WDR62: variants seen among roughly 807,000 people sequenced by gnomAD.
The protein encoded by WDR62 is WD repeat domain 62, also known as WD repeat-containing protein 62.
In WDR62, 112 loss-of-function variants were observed where a neutral mutation model predicts 160.6. The ratio of observed to expected loss-of-function variants is 0.70; its 90% confidence interval spans 0.60 to 0.82. WDR62 has a LOEUF of 0.82. Among genes scored for constraint, WDR62 ranks in the 40% least tolerant of loss-of-function variants. WDR62 has a pLI of 0.00. For missense variants in WDR62, 1,819 were observed against 1,983.8 expected (o/e 0.92, Z 1.58); for synonymous variants, 792 against 815.1 (o/e 0.97, Z 0.48).
intron 10 of WDR62, 148 bp downstream of exon 10, chr19:36,081,718 A>G (rs973853231): frequency 8.8e-5 from 83 of 946,112 alleles, no homozygotes; most frequent in African/African-American, 2.4e-4. Flanking sequence ...CCCTCTCTGC[A>G]TCACTGCCTC....
downstream of WDR62, among the ~76,000 whole-genome samples, chr19:36,106,937 T>G (rs779476264): frequency 3.9e-4 from 59 of 152,160 alleles, no homozygotes; most frequent in Admixed American, 2.6e-4. Flanking sequence ...CCCATCTGCC[T>G]AGTTCGGCCA....
At chr19:36,106,247 T>C (rs2145894425), downstream of WDR62, among the ~76,000 whole-genome samples, 1 of 151,102 alleles carries the variant, frequency 6.6e-6, no homozygotes. Context: ...ACACCTGTAG[T>C]CCCAGCTACT....
At chr19:36,101,439 T>A (rs1032542468) in intron 24 of WDR62, 122 bp downstream of exon 24, 4 of 955,982 alleles carry the variant, frequency 4.2e-6, no homozygotes, top group Non-Finnish European at 6.6e-6. Context: ...AAGACACATG[T>A]GGTCCCTGCT....
downstream of WDR62, among the ~76,000 whole-genome samples, chr19:36,105,443 G>C (rs750477108): frequency 1.3e-5 from 2 of 151,926 alleles, no homozygotes; most frequent in Admixed American, 1.3e-4. Flanking sequence ...AGCAGTCCAC[G>C]CTTTGCCATA....
At chr19:36,107,546 C>A (rs569562925), downstream of WDR62, among the ~76,000 whole-genome samples, 2 of 152,084 alleles carry the variant, frequency 1.3e-5, no homozygotes, top group Admixed American at 1.3e-4. Context: ...CAGAGCAGGG[C>A]ACCCTCTAGG....
At chr19:36,076,624 C>G (rs191372766) in intron 9 of WDR62, among the ~76,000 whole-genome samples, 10 of 151,258 alleles carry the variant, frequency 6.6e-5, no homozygotes, top group Non-Finnish European at 1.5e-4. Context: ...ATTGGGACTT[C>G]AGAATCACAG....
chr19:36,100,450 G>A lies in WDR62; in HGVS notation c.2740-298G>A, dbSNP rs572356556. Among the ~76,000 whole-genome samples the A allele has an allele frequency of 3.3e-5, 5 of 152,232 alleles. No homozygotes were observed. The East Asian group carries it at 9.6e-4, about 29-fold the overall frequency. On this transcript the variant is annotated intron_variant, in intron 22 of 31. Coordinates refer to ENST00000401500, the MANE Select transcript of WDR62 (RefSeq NM_001083961.2). ...TTCTGCCCTTCCCAGTCAGGTCCCCGCACCAGGATAACCAGTGTTCTGACC... is the reference window on the plus strand; with the variant it reads ...TTCTGCCCTTCCCAGTCAGGTCCCCACACCAGGATAACCAGTGTTCTGACC...
chr19:36,104,053 T>C, intron 30 of WDR62, 72 bp downstream of exon 30: 1 of 1,575,880 alleles, frequency 6.3e-7, no homozygotes. Flanking sequence ...GCTCCAAAGA[T>C]GGATACTTGA....
downstream of WDR62, among the ~76,000 whole-genome samples, chr19:36,110,056 A>G (rs1196685040): frequency 6.7e-6 from 1 of 149,494 alleles, no homozygotes. Context: ...CTCCGCCTCA[A>G]AAAAAAAAAA....
chr19:36,070,283 C>G (rs1323817959), intron 7 of WDR62: 4 of 151,726 alleles, frequency 2.6e-5, no homozygotes, highest in African/African-American at 7.3e-5. Flanking sequence ...CTCAGCCTCC[C>G]AAGTAGCTGG....
At chr19:36,084,930 C>T (rs1181978028) in intron 12 of WDR62, among the ~76,000 whole-genome samples, 186 bp downstream of exon 12, 3 of 152,084 alleles carry the variant, frequency 2.0e-5, no homozygotes, top group African/African-American at 2.4e-5. Context: ...GCAAGACACC[C>T]GCAGGCAGGA....
At position 36,103,878 on chromosome 19, in the gene WDR62, T is replaced by A. The variant is rs1568373111; in HGVS notation, c.4050T>A (p.Ala1350=). ...HGSAFRPSLP[A]PESPGLPAHP... Reference sequence around the variant, plus strand: ...CTGCCTTTCGCCCAAGTCTCCCAGCTCCTGAGTCCCCTGGCCTTCCTGCCC... The same window carrying A: ...CTGCCTTTCGCCCAAGTCTCCCAGCACCTGAGTCCCCTGGCCTTCCTGCCC... Residue 1350 remains alanine, a synonymous_variant, in exon 30 of 32, where the codon GCT becomes GCA. Coordinates refer to ENST00000401500, the MANE Select transcript of WDR62 (RefSeq NM_001083961.2). 6.2e-7 allele frequency: 1 copy of A among 1,601,146 alleles called. No homozygotes were observed. Among genetic ancestry groups the A allele is most frequent in the Non-Finnish European group, 8.5e-7 (1 of 1,179,878 alleles).
chr19:36,063,138 T>C (rs1970749594), intron 3 of WDR62, among the ~76,000 whole-genome samples: 1 of 151,748 alleles, frequency 6.6e-6, no homozygotes, highest in Admixed American at 6.6e-5. Context: ...AGAGCTGGGG[T>C]TTCCCCATGT....
At chr19:36,066,648 C>T (rs993503857) in intron 5 of WDR62, among the ~76,000 whole-genome samples, 3 of 152,234 alleles carry the variant, frequency 2.0e-5, no homozygotes, top group African/African-American at 2.4e-5. Context: ...CAGCTGTGAC[C>T]TTAGGCAAGT....
At chr19:36,100,376 C>G (rs1440622915) in intron 22 of WDR62, among the ~76,000 whole-genome samples, 2 of 152,176 alleles carry the variant, frequency 1.3e-5, no homozygotes, top group African/African-American at 4.8e-5. Context: ...CACGTGTGTC[C>G]ACTACCCTGG....
chr19:36,055,186 C>T lies in WDR62; in HGVS notation c.177+38C>T, dbSNP rs1398970982. On this transcript the variant is annotated intron_variant, in intron 1 of 31. Coordinates refer to ENST00000401500, the MANE Select transcript of WDR62 (RefSeq NM_001083961.2). ...TCGCCATGTCTACCCCAGTTCCAGG[C>T]TTCCTAGGTTTCCCCTAGTCCCGTC... 2.5e-6 allele frequency: 4 copies of T among 1,579,084 alleles called. No homozygotes were observed. In the South Asian group the frequency reaches 3.4e-5, roughly 14 times the overall value.
chr19:36,090,085 G>A (rs1396075852), intron 15 of WDR62, among the ~76,000 whole-genome samples: 1 of 152,166 alleles, frequency 6.6e-6, no homozygotes, highest in Non-Finnish European at 1.5e-5. Flanking sequence ...GATCAAGCAG[G>A]ACTTCCTGGA....
At chr19:36,110,197 G>A in the WDR62 span, among the ~76,000 whole-genome samples, 4 of 152,102 alleles carry the variant, frequency 2.6e-5, no homozygotes, top group African/African-American at 7.2e-5. Context: ...TGGGCCAGGT[G>A]CGGTGGCTCA....
At position 36,090,492 on chromosome 19, in the gene WDR62, C is replaced by T; in HGVS notation, c.2006C>T (p.Ser669Phe). 1 of 1,614,068 alleles carries T rather than the reference C, an allele frequency of 6.2e-7. No individual in the cohort carries two copies. The highest frequency in any genetic ancestry group is 8.5e-7 in the Non-Finnish European group (1 of 1,179,986). The change falls in exon 16 of 32, where the codon TCC becomes TTC. Residue 669 changes from serine to phenylalanine, a missense_variant. Ser to Phe is a radical substitution (Grantham distance 155, BLOSUM62 -2). This residue lies in a region of WDR62 where 934 missense variants were observed against 1,157.2 expected (regional missense o/e 0.81). Coordinates refer to ENST00000401500, the MANE Select transcript of WDR62 (RefSeq NM_001083961.2). ...NGKQKKCYKG[S>F]QGDEGSLLKV... ...AAGCAGAAGAAGTGCTACAAGGGCT[C>T]CCAGGGTGACGAAGGGTCCTTGCTG...
Sources: gnomAD v4.1 joint callset for allele counts (sites outside exome capture counted in the v4.1 genomes callset) on GRCh38, gnomAD v4.1.1 for gene constraint, gnomAD v4.1.1 regional missense constraint, MANE v1.5 for transcripts, NCBI Gene and HGNC (gene_info 2026-07-23, HGNC 2026-07-21) for gene names.